Variants in TTC7A observed in about 807,000 individuals in gnomAD.
TTC7A encodes the protein tetratricopeptide repeat domain 7A, also known as tetratricopeptide repeat protein 7A.
TTC7A carries 110 observed loss-of-function variants against 103.7 expected under a neutral mutation model. The observed-to-expected ratio is 1.06, with a 90% CI of 0.91 to 1.24. TTC7A has a LOEUF of 1.24. Among genes scored for constraint, TTC7A ranks in the 50% most tolerant of loss-of-function variants. The pLI is 0.00. For missense variants in TTC7A, 1,340 were observed against 1,116.3 expected, an observed-to-expected ratio of 1.20 and a Z score of -2.86; for synonymous variants, 521 against 467.9, an observed-to-expected ratio of 1.11 and a Z score of -1.47.
chr2:47,046,422 C>G lies in TTC7A; in HGVS notation c.1910C>G (p.Ser637Cys). Residue 637 changes from serine (S) to cysteine (C), a missense_variant, in exon 16 of 20, where the codon TCC becomes TGC. Physicochemically the swap from Ser to Cys is moderately radical, Grantham distance 112. Transcript: ENST00000319190. ...LRLWQTLYSF[S>C]QLGGLEKDGS... is the part of the protein sequence containing the mutation. The stretch of plus-strand genomic sequence containing the variant: ...CTGTGGCAGACCCTGTACAGCTTCT[C>G]CCAGCTGGGGTGAGTGGCCGTCATT... 1 of 1,613,832 alleles carries G rather than the reference C, an allele frequency of 6.2e-7. No individual in the cohort carries two copies. Among genetic ancestry groups the G allele is most frequent in the South Asian group, 1.1e-5 (1 of 91,058 alleles).
chr2:47,002,438 A>G (rs1431763833), intron 8 of TTC7A, among the ~76,000 whole-genome samples: 1 of 152,164 alleles, frequency 6.6e-6, no homozygotes, highest in Non-Finnish European at 1.5e-5. Flanking sequence ...ACTGCATTTG[A>G]TCTAGAGGAT....
At chr2:46,926,646 G>C in intron 2 of TTC7A, among the ~76,000 whole-genome samples, 1 of 152,216 alleles carries the variant, frequency 6.6e-6, no homozygotes, top group East Asian at 1.9e-4. Context: ...AAAGCAACTG[G>C]ACGTCCTTTC....
intron 5 of TTC7A, among the ~76,000 whole-genome samples, chr2:46,981,566 G>T (rs551308553): frequency 6.6e-6 from 1 of 152,344 alleles, no homozygotes; most frequent in East Asian, 1.9e-4. Context: ...ATAAGTTTGG[G>T]AAACAATGGA....
chr2:46,996,908 C>T (rs184722577), intron 8 of TTC7A, among the ~76,000 whole-genome samples: 35 of 152,190 alleles, frequency 2.3e-4, no homozygotes, highest in Non-Finnish European at 3.8e-4. Flanking sequence ...CACGTTCACC[C>T]TCCAGTGAGA....
intron 11 of TTC7A, among the ~76,000 whole-genome samples, chr2:47,016,517 G>C (rs1004253062): frequency 6.6e-6 from 1 of 152,224 alleles, no homozygotes; most frequent in African/African-American, 2.4e-5. Context: ...GGCAGGGAAA[G>C]ATCTTCACCT....
rs987676364 is a variant in TTC7A at position 46,941,944 on chromosome 2, C to T, written c.184+219C>T. Reference sequence around the variant, plus strand: ...GGAGGGAAGAGAAACGGCTTTTGCTCTGTGTCCTTTAGGATAATGTGGCTA... The same window carrying T: ...GGAGGGAAGAGAAACGGCTTTTGCTTTGTGTCCTTTAGGATAATGTGGCTA... On this transcript the variant is annotated intron_variant, in intron 1 of 19. Coordinates refer to ENST00000319190, the MANE Select transcript of TTC7A (RefSeq NM_020458.4). This position sits in a 1 kb window ranked among gnomAD's most constrained non-coding sequence, Gnocchi z 4.2. 3 of 618,060 alleles carry T rather than the reference C, an allele frequency of 4.9e-6. No individual in the cohort carries two copies. In the African/African-American group the frequency reaches 5.6e-5, roughly 11 times the overall value. 38.3% of individuals were successfully genotyped at this position (618,060 alleles called of 1,614,324 possible). A position where few individuals can be genotyped will look rare whatever the true frequency, so the allele number is the denominator to read the frequency against.
chr2:47,028,839 C>G (rs1558599069), intron 14 of TTC7A, among the ~76,000 whole-genome samples: 1 of 152,190 alleles, frequency 6.6e-6, no homozygotes, highest in Non-Finnish European at 1.5e-5. Context: ...AGCTGCACCC[C>G]CTACCTGGAG....
At chr2:47,020,553 C>A (rs1329694156) in intron 11 of TTC7A, among the ~76,000 whole-genome samples, 3 of 152,238 alleles carry the variant, frequency 2.0e-5, no homozygotes, top group Admixed American at 1.3e-4. Flanking sequence ...AGCCCACTGC[C>A]CCGGCTGGCA....
intron 1 of TTC7A, among the ~76,000 whole-genome samples, chr2:46,945,701 T>A (rs1159179057): frequency 2.6e-5 from 4 of 152,150 alleles, no homozygotes; most frequent in Non-Finnish European, 4.4e-5. Flanking sequence ...TTTGAGTGTC[T>A]CTTAATCTGT....
At chr2:46,980,934 G>T (rs187774706) in intron 5 of TTC7A, among the ~76,000 whole-genome samples, 298 of 152,328 alleles carry the variant, frequency 2.0e-3, no homozygotes, top group South Asian at 3.7e-3. Context: ...TGGAAGAGGC[G>T]CATAGGGCTA....
At chr2:46,969,369 T>C (rs890186941) in intron 3 of TTC7A, among the ~76,000 whole-genome samples, 12 of 152,024 alleles carry the variant, frequency 7.9e-5, no homozygotes, top group South Asian at 2.1e-4. Flanking sequence ...TAGCCGAGCT[T>C]AGTGGCGGGT....
At chr2:46,997,170 G>C (rs1288491701) in intron 8 of TTC7A, among the ~76,000 whole-genome samples, 6 of 152,028 alleles carry the variant, frequency 3.9e-5, no homozygotes, top group Non-Finnish European at 7.4e-5. Context: ...GTAGAGACGG[G>C]GTTTCACCAT....
At chr2:46,963,880 G>C (rs1235163681) in intron 3 of TTC7A, among the ~76,000 whole-genome samples, 2 of 152,180 alleles carry the variant, frequency 1.3e-5, no homozygotes, top group Non-Finnish European at 2.9e-5. Context: ...GCCCACCCTG[G>C]AGCCAATTGT....
At chr2:47,012,195 C>G (rs559487931) in intron 11 of TTC7A, among the ~76,000 whole-genome samples, 1 of 152,260 alleles carries the variant, frequency 6.6e-6, no homozygotes, top group Non-Finnish European at 1.5e-5. Flanking sequence ...CACTGGGCCC[C>G]AGCAATGGGG....
chr2:47,049,758 C>T (rs1558627826), intron 16 of TTC7A, among the ~76,000 whole-genome samples, 191 bp from the exon 17 acceptor site: 1 of 152,070 alleles, frequency 6.6e-6, no homozygotes, highest in Non-Finnish European at 1.5e-5. Context: ...ACGTTGATCC[C>T]TCCTGCCTCT....
At chr2:46,945,210 C>T (rs1169708497) in intron 1 of TTC7A, among the ~76,000 whole-genome samples, 1 of 152,210 alleles carries the variant, frequency 6.6e-6, no homozygotes, top group Non-Finnish European at 1.5e-5. Flanking sequence ...CCTCCTGCCT[C>T]AGCCTCCCAA....
chr2:46,938,542 C>G (rs79598417), upstream of TTC7A, among the ~76,000 whole-genome samples: 368 of 152,280 alleles, frequency 2.4e-3, 2 homozygotes, highest in African/African-American at 8.4e-3. Flanking sequence ...GACATGCTCT[C>G]CTGAGGATTT....
intron 4 of TTC7A, 103 bp from the exon 5 acceptor site, chr2:46,978,689 G>A: frequency 1.2e-6 from 1 of 809,912 alleles, no homozygotes; most frequent in East Asian, 2.7e-5. Flanking sequence ...ATGTGCCCCT[G>A]AACAACTGGG....
chr2:47,049,956 G>C lies in TTC7A; in HGVS notation c.1927G>C (p.Glu643Gln), dbSNP rs1161030744. ...CCCTCTTTTGCCTTCCAGAGGCCTAGAAAAGGATGGCAGCTTCGGTGAGGG... is the reference window on the plus strand; with the variant it reads ...CCCTCTTTTGCCTTCCAGAGGCCTACAAAAGGATGGCAGCTTCGGTGAGGG... ...LYSFSQLGGLEKDGSFGEGLT... is the reference protein window; with the variant it reads ...LYSFSQLGGLQKDGSFGEGLT... Residue 643 changes from glutamate to glutamine, a missense_variant, in exon 17 of 20, where the codon GAA becomes CAA. By Grantham distance (29) the Glu-to-Gln change is conservative (BLOSUM62 2). Transcript: ENST00000319190. 6.2e-7 allele frequency: 1 copy of C among 1,614,006 alleles called. No homozygotes were observed. The highest frequency in any genetic ancestry group is 8.5e-7 in the Non-Finnish European group (1 of 1,180,014).
Sources: allele counts gnomAD v4.1 joint callset (sites outside exome capture counted in the v4.1 genomes callset), GRCh38; gene constraint gnomAD v4.1.1; non-coding constraint Gnocchi (gnomAD v3.1); transcripts MANE v1.5; gene names NCBI Gene and HGNC (gene_info 2026-07-23, HGNC 2026-07-21).